EMX1: variants seen among roughly 807,000 people sequenced by gnomAD.
EMX1 encodes homeobox protein EMX1.
A neutral mutation model predicts 20.1 loss-of-function variants in EMX1; 10 were observed. The ratio of observed to expected loss-of-function variants is 0.50; its 90% CI spans 0.31 to 0.84. The LOEUF is 0.84. EMX1 is among the 40% of genes least tolerant of loss of function. The pLI is 0.05. For synonymous variants in EMX1, 250 were observed against 200.4 expected (o/e 1.25, Z -2.09); for missense variants, 424 against 431.9 (o/e 0.98, Z 0.16).
rs1186958343 is a variant in EMX1, at chr2:72,918,302, C to T, written c.450C>T (p.Ala150=). 5.7e-6 allele frequency: 9 copies of T among 1,573,200 alleles called. No homozygotes were observed. The highest frequency in any genetic ancestry group is 6.8e-6 in the Non-Finnish European group (8 of 1,170,648). Reference sequence around the variant, plus strand: ...AGCCCCCGCACTCCTTCTTCGGCGCCCAGCACCGGGACCCTCTCCATTTCT... The same window carrying T: ...AGCCCCCGCACTCCTTCTTCGGCGCTCAGCACCGGGACCCTCTCCATTTCT... ...PLQPPHSFFG[A]QHRDPLHFYP... is the part of the protein sequence containing the mutation. Residue 150 remains alanine (A), a synonymous_variant, in exon 1 of 3, where the codon GCC becomes GCT. Coordinates refer to ENST00000258106, the MANE Select transcript of EMX1 (RefSeq NM_004097.3).
chr2:72,932,292 C>G (rs1216698856), intron 2 of EMX1, among the ~76,000 whole-genome samples: 1 of 152,236 alleles, frequency 6.6e-6, no homozygotes, highest in African/African-American at 2.4e-5. Context: ...GCCTTGTAGC[C>G]TGCCCTCTGC....
chr2:72,927,499 A>G (rs550532663), intron 2 of EMX1, among the ~76,000 whole-genome samples: 1 of 152,290 alleles, frequency 6.6e-6, no homozygotes, highest in East Asian at 1.9e-4. Flanking sequence ...ACCCCTGCCT[A>G]TCATGATATG....
chr2:72,918,441 T>C, intron 1 of EMX1, 69 bp downstream of exon 1: 1 of 1,337,894 alleles, frequency 7.5e-7, no homozygotes, highest in African/African-American at 1.6e-5. Context: ...CGGGGGAGGC[T>C]CGGGGGCGCG....
intron 1 of EMX1, among the ~76,000 whole-genome samples, chr2:72,921,647 G>A (rs902114033): frequency 6.6e-6 from 1 of 152,192 alleles, no homozygotes; most frequent in Non-Finnish European, 1.5e-5. Context: ...TCATCACTTA[G>A]CATCTTGACT....
upstream of EMX1, chr2:72,916,347 G>A: frequency 2.9e-6 from 1 of 349,190 alleles, no homozygotes; most frequent in East Asian, 7.6e-5. Flanking sequence ...CAGGCCGCTA[G>A]AATGGACCCC....
chr2:72,919,789 C>A (rs945637406), intron 1 of EMX1, among the ~76,000 whole-genome samples: 1 of 152,212 alleles, frequency 6.6e-6, no homozygotes, highest in African/African-American at 2.4e-5. Context: ...TCCGAAAAAA[C>A]AAAAATGCTA....
intron 2 of EMX1, 152 bp from the exon 3 acceptor site, chr2:72,933,635 C>T: frequency 1.2e-6 from 1 of 826,634 alleles, no homozygotes; most frequent in East Asian, 2.7e-5. Context: ...ATGGGAGCAG[C>T]TGGTCAGAGG....
chr2:72,918,533 C>G (rs370042430), intron 1 of EMX1, among the ~76,000 whole-genome samples, 161 bp downstream of exon 1: 1 of 152,378 alleles, frequency 6.6e-6, no homozygotes, highest in African/African-American at 2.4e-5. Flanking sequence ...TGTGCGGCAT[C>G]CACCCGCGCC....
Position 72,918,213 on chromosome 2 carries a change from G to T in EMX1, c.361G>T (p.Glu121Ter). ...LYGGPELVFPEAMNHPALTVH... is the reference protein window; with the variant it reads ...LYGGPELVFP The stretch of plus-strand genomic sequence containing the variant: ...CGGTGGGCCCGAGCTCGTGTTCCCC[G>T]AGGCCATGAACCACCCCGCGCTGAC... Residue 121 changes from glutamate (E) to a stop codon, truncating the protein, a stop_gained, in exon 1 of 3, where the codon GAG becomes TAG. Coordinates refer to ENST00000258106, the MANE Select transcript of EMX1 (RefSeq NM_004097.3). LOFTEE classifies it high-confidence loss of function. 6.4e-7 allele frequency: 1 copy of T among 1,568,222 alleles called. No individual in the cohort carries two copies. Among genetic ancestry groups the T allele is most frequent in the Non-Finnish European group, 8.6e-7 (1 of 1,168,664 alleles).
chr2:72,917,351 G>A (rs1026912948), upstream of EMX1: 12 of 365,444 alleles, frequency 3.3e-5, no homozygotes, highest in Non-Finnish European at 5.9e-5. Context: ...GAAGCCAGTG[G>A]CGAGGGGAGG....
intron 2 of EMX1, among the ~76,000 whole-genome samples, chr2:72,928,218 C>T (rs1050511734): frequency 6.6e-6 from 1 of 152,210 alleles, no homozygotes; most frequent in Non-Finnish European, 1.5e-5. Context: ...ACTTGTTCCT[C>T]ACTGCTTGGG....
At chr2:72,917,122 A>G (rs150351805), upstream of EMX1, 728 of 617,596 alleles carry the variant, frequency 1.2e-3, 5 homozygotes, top group African/African-American at 0.012. Flanking sequence ...GGGAAAACCA[A>G]TGTGTTGGAC....
chr2:72,928,377 G>A (rs1253913180), intron 2 of EMX1, among the ~76,000 whole-genome samples: 1 of 152,210 alleles, frequency 6.6e-6, no homozygotes, highest in Non-Finnish European at 1.5e-5. Context: ...CCCATGTGGG[G>A]CACCAACGGG....
chr2:72,919,088 C>T (rs1342239444), intron 1 of EMX1, among the ~76,000 whole-genome samples: 1 of 151,674 alleles, frequency 6.6e-6, no homozygotes, highest in Non-Finnish European at 1.5e-5. Flanking sequence ...GGGCAGGGGG[C>T]GGGGGCAGAG....
intron 1 of EMX1, chr2:72,923,489 G>C (rs1292498484): frequency 6.6e-6 from 1 of 152,210 alleles, no homozygotes; most frequent in Non-Finnish European, 1.5e-5. Context: ...GTTGGGATAG[G>C]GGGTTGGGGG....
intron 1 of EMX1, chr2:72,923,645 C>T (rs1365855975): frequency 6.5e-6 from 1 of 153,378 alleles, no homozygotes; most frequent in African/African-American, 2.4e-5. Flanking sequence ...CCCTGCAAGA[C>T]AGAGCTAGAG....
chr2:72,924,696 T>G (rs975240400), intron 2 of EMX1, among the ~76,000 whole-genome samples: 6 of 152,202 alleles, frequency 3.9e-5, no homozygotes, highest in Non-Finnish European at 7.3e-5. Flanking sequence ...CCCGCAGGAC[T>G]TTTGTCAAGC....
chr2:72,924,007 C>T (rs1408523427), intron 1 of EMX1: 1 of 526,220 alleles, frequency 1.9e-6, no homozygotes, highest in East Asian at 3.2e-5. Flanking sequence ...GAATGTGGGT[C>T]CACGCCTCGT....
rs1386744712 is a variant in EMX1 at position 72,930,419 on chromosome 2, C to T, written c.706-3368C>T. Among the ~76,000 whole-genome samples, 1 of 152,062 alleles carries T rather than the reference C, an allele frequency of 6.6e-6. No homozygotes were observed. Among genetic ancestry groups the T allele is most frequent in the Non-Finnish European group, 1.5e-5 (1 of 68,014 alleles). On this transcript the variant is annotated intron_variant, in intron 2 of 2. Coordinates refer to ENST00000258106, the MANE Select transcript of EMX1 (RefSeq NM_004097.3). The surrounding 1 kb of genome is among the most constrained non-coding windows in gnomAD (Gnocchi z 4.4). ...GGAGAGTATTCCAGGGTTGGTAAGT[C>T]AGGAGAATGGAGACTTTTGGAAGGA...
Sources: allele counts gnomAD v4.1 joint callset (sites outside exome capture counted in the v4.1 genomes callset), GRCh38; gene constraint gnomAD v4.1.1; non-coding constraint Gnocchi (gnomAD v3.1); transcripts MANE v1.5; gene names NCBI Gene and HGNC (gene_info 2026-07-23, HGNC 2026-07-21).